Variants in WEE2 observed in about 807,000 individuals in gnomAD.
The protein encoded by WEE2 is WEE2 oocyte meiosis inhibiting kinase, also known as wee1-like protein kinase 2.
Under a neutral mutation model 60.1 loss-of-function variants are expected in WEE2, and 50 were observed. The ratio of observed to expected loss-of-function variants is 0.83; its 90% CI spans 0.66 to 1.05. The LOEUF (loss-of-function observed/expected upper bound fraction) is 1.05. WEE2 is among the 50% of genes least tolerant of loss of function. The pLI is 0.00. For missense variants in WEE2, 631 were observed against 684.3 expected, an observed-to-expected ratio of 0.92 and a Z score of 0.87; for synonymous variants, 240 against 241.0, an observed-to-expected ratio of 1.00 and a Z score of 0.04.
Position 141,709,092 on chromosome 7 carries a change from A to G in WEE2, c.334A>G (p.Thr112Ala). 1.2e-6 allele frequency: 2 copies of G among 1,611,818 alleles called. No individual in the cohort carries two copies. Among genetic ancestry groups the G allele is most frequent in the Non-Finnish European group, 1.7e-6 (2 of 1,178,508 alleles). Reference sequence around the variant, plus strand: ...GCTGCTGCCCAGTGACAGCCCCTCTACTCCCAAAGTAAGTAAGGGGTGGGG... The same window carrying G: ...GCTGCTGCCCAGTGACAGCCCCTCTGCTCCCAAAGTAAGTAAGGGGTGGGG... ...SKLLPSDSPSTPKTMLSRLVI... is the reference protein window; with the variant it reads ...SKLLPSDSPSAPKTMLSRLVI... Residue 112 changes from threonine (T) to alanine (A), a missense_variant, in exon 1 of 12, where the codon ACT becomes GCT. Coordinates refer to ENST00000397541, the MANE Select transcript of WEE2 (RefSeq NM_001105558.1).
Position 141,729,599 on chromosome 7 carries a change from C to T in WEE2, c.1604C>T (p.Ser535Phe), listed in dbSNP as rs1394857690. The T allele has an allele frequency of 1.9e-6, 3 of 1,614,210 alleles. No individual in the cohort carries two copies. In the Admixed American group the frequency reaches 5.0e-5, roughly 27 times the overall value. Residue 535 changes from serine (S) to phenylalanine (F), a missense_variant, in exon 11 of 12, where the codon TCT (serine) becomes TTT (phenylalanine). Ser to Phe is a radical substitution (Grantham distance 155). Coordinates refer to ENST00000397541, the MANE Select transcript of WEE2 (RefSeq NM_001105558.1). ...ACCCATCATGGTGACACTGGGGTCT[C>T]TGGGACCCACACAGGATCAAGAAGC... The part of the protein sequence containing the change: ...GYTHHGDTGV[S>F]GTHTGSRSTK...
At chr7:141,722,172 G>A (rs201284973) in intron 5 of WEE2, among the ~76,000 whole-genome samples, 1 of 152,134 alleles carries the variant, frequency 6.6e-6, no homozygotes, top group East Asian at 1.9e-4. Flanking sequence ...TTGGGAGGCC[G>A]AGGCGGGCAG....
intron 3 of WEE2, among the ~76,000 whole-genome samples, chr7:141,717,634 T>C (rs183807953): frequency 7.5e-4 from 114 of 152,340 alleles, no homozygotes; most frequent in Non-Finnish European, 1.3e-3. Flanking sequence ...TGTATGTACA[T>C]ATGTGCAATG....
intron 5 of WEE2, among the ~76,000 whole-genome samples, chr7:141,722,572 C>T (rs1317471986): frequency 6.6e-6 from 1 of 152,114 alleles, no homozygotes; most frequent in African/African-American, 2.4e-5. Context: ...CTTCTATATT[C>T]TCCTTGGGTT....
At chr7:141,720,460 C>G (rs1386432278) in intron 4 of WEE2, among the ~76,000 whole-genome samples, 1 of 152,152 alleles carries the variant, frequency 6.6e-6, no homozygotes, top group African/African-American at 2.4e-5. Context: ...AACATTCACT[C>G]TAATGACTGC....
In WEE2 at chr7:141,708,633, A is replaced by C; in HGVS notation, c.-126A>C. Reference sequence around the variant, plus strand: ...GTGTTTTGTAGCTGTTAGTTGGTAGAGGGAAATTCAGGCTACCGTCGCGAA... The same window carrying C: ...GTGTTTTGTAGCTGTTAGTTGGTAGCGGGAAATTCAGGCTACCGTCGCGAA... On this transcript the variant is annotated 5_prime_UTR_variant, in exon 1 of 12. Transcript: ENST00000397541. 1.3e-6 allele frequency: 1 copy of C among 754,620 alleles called. No homozygotes were observed. Among genetic ancestry groups the C allele is most frequent in the Non-Finnish European group, 2.2e-6 (1 of 452,842 alleles). The allele number at this position is 754,620 out of a possible 1,614,324, so 46.7% of individuals were successfully genotyped here.
intron 1 of WEE2, 114 bp from the exon 2 acceptor site, chr7:141,714,095 A>C: frequency 1.2e-6 from 1 of 861,748 alleles, no homozygotes; most frequent in Non-Finnish European, 1.8e-6. Flanking sequence ...GAACCAGATA[A>C]TTTCTAAGGC....
intron 3 of WEE2, among the ~76,000 whole-genome samples, chr7:141,717,608 T>C (rs1275133522): frequency 2.0e-5 from 3 of 152,218 alleles, no homozygotes; most frequent in Non-Finnish European, 4.4e-5. Context: ...ATGAGATATA[T>C]GTATTTGTGT....
At chr7:141,727,722 T>G in intron 10 of WEE2, 1 of 381,370 alleles carries the variant, frequency 2.6e-6, no homozygotes, top group Non-Finnish European at 4.7e-6. Flanking sequence ...AAAGAAAACT[T>G]AGGATTCTAA....
rs370106447 is a variant in WEE2 at position 141,719,221 on chromosome 7, A to G, written c.735A>G (p.Lys245=). ...GCVYAIKRSM[K]TFTELSNENS... is the part of the protein sequence containing the mutation. Reference sequence around the variant, plus strand: ...TTTATGCAATAAAGCGCTCTATGAAAACTTTTACAGAATTATCAAATGAGT... The same window carrying G: ...TTTATGCAATAAAGCGCTCTATGAAGACTTTTACAGAATTATCAAATGAGT... Residue 245 remains lysine, a synonymous_variant, in exon 4 of 12, where the codon AAA becomes AAG. Coordinates refer to ENST00000397541, the MANE Select transcript of WEE2 (RefSeq NM_001105558.1). 1.7e-4 allele frequency: 279 copies of G among 1,609,330 alleles called. No individual in the cohort carries two copies. The highest frequency in any genetic ancestry group is 2.2e-4 in the Non-Finnish European group (265 of 1,177,782).
chr7:141,713,943 A>G (rs1241904927), intron 1 of WEE2, among the ~76,000 whole-genome samples: 1 of 152,194 alleles, frequency 6.6e-6, no homozygotes, highest in Non-Finnish European at 1.5e-5. Flanking sequence ...GCTAGCTAAC[A>G]GAATTGCCCA....
Position 141,730,193 on chromosome 7 carries a change from G to C in WEE2, c.1679-102G>C, listed in dbSNP as rs548882960. 46 of 1,022,856 alleles carry C rather than the reference G, an allele frequency of 4.5e-5. No individual in the cohort carries two copies. In the South Asian group the frequency reaches 8.1e-4, roughly 18 times the overall value. The allele number at this position is 1,022,856 out of a possible 1,614,324, so 63.4% of individuals were successfully genotyped here. ...GCTAGTAAGGCTTTGTCTTCTCAAGGGTCCCAGACACAATAATTGGAAGCC... is the reference window on the plus strand; with the variant it reads ...GCTAGTAAGGCTTTGTCTTCTCAAGCGTCCCAGACACAATAATTGGAAGCC... On this transcript the variant is annotated intron_variant, in intron 11 of 11. Transcript: ENST00000397541.
At chr7:141,715,500 T>G (rs1253607114) in intron 2 of WEE2, among the ~76,000 whole-genome samples, 1 of 152,230 alleles carries the variant, frequency 6.6e-6, no homozygotes, top group Non-Finnish European at 1.5e-5. Context: ...ATTTCTACCT[T>G]GTGTTTCTCC....
chr7:141,728,728 C>T (rs1799067632), intron 10 of WEE2, among the ~76,000 whole-genome samples: 2 of 152,168 alleles, frequency 1.3e-5, no homozygotes, highest in South Asian at 2.1e-4. Flanking sequence ...TGTTAGGAAC[C>T]GGACTGCATG....
chr7:141,714,515 G>A, intron 2 of WEE2, 110 bp downstream of exon 2: 8 of 840,106 alleles, frequency 9.5e-6, no homozygotes, highest in South Asian at 1.9e-5. Context: ...TGAATGAAAT[G>A]TATATGCTTA....
chr7:141,718,276 A>G (rs1001381012), intron 3 of WEE2, among the ~76,000 whole-genome samples: 6 of 152,176 alleles, frequency 3.9e-5, no homozygotes, highest in African/African-American at 1.4e-4. Flanking sequence ...ATATAAATTT[A>G]TGGAGATTTT....
chr7:141,714,112 A>C (rs1798753386), intron 1 of WEE2, 97 bp from the exon 2 acceptor site: 2 of 1,077,470 alleles, frequency 1.9e-6, no homozygotes, highest in Middle Eastern at 2.1e-4. Context: ...AGGCCCCTTC[A>C]GCAAAAGCAT....
In WEE2 at chr7:141,727,309, G is replaced by A; in HGVS notation, c.1398G>A (p.Met466Ile). 2 of 1,613,998 alleles carry A rather than the reference G, an allele frequency of 1.2e-6. No homozygotes were observed. Among genetic ancestry groups the A allele is most frequent in the East Asian group, 4.5e-5 (2 of 44,892 alleles). Residue 466 changes from methionine to isoleucine, a missense_variant, in exon 10 of 12, where the codon ATG (methionine) becomes ATA (isoleucine). Transcript: ENST00000397541. ...SESFSSLLKNMIQPDAEQRPS... is the reference protein window; with the variant it reads ...SESFSSLLKNIIQPDAEQRPS... ...TCTTGGTCCTATATCATCAGAACAT[G>A]ATCCAACCTGATGCCGAACAGAGAC... is the stretch of plus-strand genomic sequence containing the variant.
At chr7:141,724,909 C>A in intron 8 of WEE2, 117 bp from the exon 9 acceptor site, 1 of 1,140,738 alleles carries the variant, frequency 8.8e-7, no homozygotes, top group Admixed American at 2.4e-5. Context: ...TATCTTTGAC[C>A]GTCGTGTCTG....
Sources: gnomAD v4.1 joint callset for allele counts (sites outside exome capture counted in the v4.1 genomes callset) on GRCh38, gnomAD v4.1.1 for gene constraint, MANE v1.5 for transcripts, NCBI Gene and HGNC (gene_info 2026-07-23, HGNC 2026-07-21) for gene names.